Variants in TRPC1 observed in about 807,000 individuals in gnomAD.
The protein encoded by TRPC1 is transient receptor potential cation channel subfamily C member 1, also known as short transient receptor potential channel 1.
A neutral mutation model predicts 88.2 loss-of-function variants in TRPC1; 42 were observed. That is an observed-to-expected ratio of 0.48 (90% CI 0.37 to 0.62). The LOEUF (loss-of-function observed/expected upper bound fraction) is 0.62, where lower values mean the gene tolerates loss of function less well. Ranked by LOEUF, TRPC1 falls within the 20% of genes least tolerant of loss-of-function variation. The pLI is 0.00. For missense variants in TRPC1, 699 were observed against 957.3 expected (o/e 0.73, Z 3.56); for synonymous variants, 288 against 331.8 (o/e 0.87, Z 1.43).
At chr3:142,773,581 G>GT (rs74269488) in intron 4 of TRPC1, among the ~76,000 whole-genome samples, 426 of 132,200 alleles carry the variant, frequency 3.2e-3, no homozygotes, top group Admixed American at 3.3e-3. Context: ...TCTGCAGGCA[G>GT]TTTTTTTTTT....
At position 142,776,732 on chromosome 3, in the gene TRPC1, G is replaced by A. The variant is rs900586100; in HGVS notation, c.633-900G>A. Among the ~76,000 whole-genome samples the A allele has an allele frequency of 4.0e-5, 6 of 151,504 alleles. No homozygotes were observed. Among genetic ancestry groups the A allele is most frequent in the South Asian group, 2.1e-4 (1 of 4,780 alleles). ...ATCCTGGCCAACATGGTGAAACCCCGTCTCTACTAAAAATACAAAAATTAG... is the reference window on the plus strand; with the variant it reads ...ATCCTGGCCAACATGGTGAAACCCCATCTCTACTAAAAATACAAAAATTAG... On this transcript the variant is annotated intron_variant, in intron 4 of 12. Transcript: ENST00000476941. This position sits in a 1 kb window ranked among gnomAD's most constrained non-coding sequence, Gnocchi z 4.1.
At chr3:142,802,118 AT>A in intron 9 of TRPC1, 50 bp from the exon 10 acceptor site, 2 of 1,260,494 alleles carry the variant, frequency 1.6e-6, no homozygotes, top group Non-Finnish European at 2.1e-6. Context: ...TATATTTAAT[AT>A]TTTGTTTTTC....
chr3:142,780,501 T>C (rs991038187), intron 5 of TRPC1, among the ~76,000 whole-genome samples: 3 of 152,222 alleles, frequency 2.0e-5, no homozygotes, highest in African/African-American at 7.2e-5. Flanking sequence ...TAGCCAAGCT[T>C]ACAGAGAATA....
In TRPC1 at chr3:142,767,595, AAAT is replaced by A. The variant is rs1316219917; in HGVS notation, c.633-10034_633-10032del. ...CTTTATATATAAATATATTATATAT[AAAT>A]AAATTATATATCTTTATATATCATA... On this transcript the variant is annotated intron_variant, in intron 4 of 12. Coordinates refer to ENST00000476941, the MANE Select transcript of TRPC1 (RefSeq NM_001251845.2). The surrounding 1 kb of genome is among the most constrained non-coding windows in gnomAD (Gnocchi z 5.1). Among the ~76,000 whole-genome samples, 2 of 148,184 alleles carry A rather than the reference AAAT, an allele frequency of 1.3e-5. No homozygotes were observed. The highest frequency in any genetic ancestry group is 3.0e-5 in the Non-Finnish European group (2 of 67,184).
intron 4 of TRPC1, among the ~76,000 whole-genome samples, chr3:142,766,162 G>A (rs1935380644): frequency 6.6e-6 from 1 of 152,122 alleles, no homozygotes; most frequent in South Asian, 2.1e-4. Context: ...CAATTACTAT[G>A]TGATGGTTAA....
At position 142,779,944 on chromosome 3, in the gene TRPC1, T is replaced by C. The variant is rs554042428; in HGVS notation, c.765-890T>C. 2.3e-3 allele frequency among the ~76,000 whole-genome samples: 341 copies of C among 151,242 alleles called. 1 individual carries two copies. The highest frequency in any genetic ancestry group is 3.8e-3 in the Non-Finnish European group (259 of 67,872). The stretch of plus-strand genomic sequence containing the variant: ...CTCACTGCAACCTCCCCTCCTGGGT[T>C]CAAGCAATTCTCCCTGCCTCAGCCT... On this transcript the variant is annotated intron_variant, in intron 5 of 12. Coordinates refer to ENST00000476941, the MANE Select transcript of TRPC1 (RefSeq NM_001251845.2).
At position 142,724,363 on chromosome 3, in the gene TRPC1, T is replaced by TG. The variant is rs1933565110; in HGVS notation, c.-193dup. On this transcript the variant is annotated 5_prime_UTR_variant, in exon 1 of 13. Transcript: ENST00000476941. This position sits in a 1 kb window ranked among gnomAD's most constrained non-coding sequence, Gnocchi z 5.6. ...GGCCGCGCATGCGCCGCCACCAACT[T>TG]GGGGCTGTCAGTGGAGGGCGAGTGC... 9.6e-6 allele frequency: 4 copies of TG among 417,942 alleles called. No homozygotes were observed. The highest frequency in any genetic ancestry group is 8.5e-5 in the South Asian group (1 of 11,746). The allele number at this position is 417,942 out of a possible 1,614,324, so 25.9% of individuals were successfully genotyped here.
At chr3:142,805,882 T>C in intron 12 of TRPC1, 126 bp from the exon 13 acceptor site, 1 of 732,564 alleles carries the variant, frequency 1.4e-6, no homozygotes, top group Non-Finnish European at 2.2e-6. Context: ...TTATACCATG[T>C]AGTAGAAAAA....
intron 3 of TRPC1, among the ~76,000 whole-genome samples, chr3:142,745,185 A>G (rs1467090036): frequency 6.6e-6 from 1 of 152,048 alleles, no homozygotes; most frequent in East Asian, 1.9e-4. Flanking sequence ...TATCTAAAAT[A>G]CCATTCAATT....
chr3:142,773,980 C>T (rs528702608), intron 4 of TRPC1, among the ~76,000 whole-genome samples: 2 of 152,148 alleles, frequency 1.3e-5, no homozygotes, highest in Admixed American at 6.6e-5. Flanking sequence ...GCCTAGCCTA[C>T]AGAATTTGTC....
chr3:142,741,417 C>T lies in TRPC1; in HGVS notation c.328-2068C>T, dbSNP rs143644879. Among the ~76,000 whole-genome samples the T allele has an allele frequency of 5.2e-3, 782 of 151,834 alleles. 10 individuals carry two copies. The highest frequency in any genetic ancestry group is 0.017 in the African/African-American group (699 of 41,392). On this transcript the variant is annotated intron_variant, in intron 2 of 12. Coordinates refer to ENST00000476941, the MANE Select transcript of TRPC1 (RefSeq NM_001251845.2). Reference sequence around the variant, plus strand: ...GTATCTGAATATAATTTAACTTTACCATCCTTAGTTGGAATAATTGAGAAT... The same window carrying T: ...GTATCTGAATATAATTTAACTTTACTATCCTTAGTTGGAATAATTGAGAAT...
intron 4 of TRPC1, among the ~76,000 whole-genome samples, chr3:142,763,708 C>T (rs1935270180): frequency 6.6e-6 from 1 of 151,754 alleles, no homozygotes. Flanking sequence ...CTTACTGCAA[C>T]CATTTTATTG....
At chr3:142,741,683 A>T (rs1335403467) in intron 2 of TRPC1, among the ~76,000 whole-genome samples, 1 of 152,198 alleles carries the variant, frequency 6.6e-6, no homozygotes, top group Non-Finnish European at 1.5e-5. Context: ...TTCATCATTT[A>T]TGGACAATTC....
At chr3:142,774,626 A>G (rs1232785055) in intron 4 of TRPC1, among the ~76,000 whole-genome samples, 1 of 152,210 alleles carries the variant, frequency 6.6e-6, no homozygotes, top group African/African-American at 2.4e-5. Context: ...AAGCACTGGC[A>G]GTTTTTCAAC....
intron 9 of TRPC1, among the ~76,000 whole-genome samples, chr3:142,797,693 G>T (rs1259371449): frequency 1.1e-4 from 16 of 152,040 alleles, no homozygotes; most frequent in Non-Finnish European, 2.4e-4. Flanking sequence ...TTATTGTGAG[G>T]ATTAAATGGG....
chr3:142,732,532 A>G (rs1252043402), intron 1 of TRPC1, among the ~76,000 whole-genome samples: 1 of 152,066 alleles, frequency 6.6e-6, no homozygotes, highest in Non-Finnish European at 1.5e-5. Flanking sequence ...GTTAGTTAAG[A>G]GGCTATTGCA....
intron 4 of TRPC1, among the ~76,000 whole-genome samples, chr3:142,768,944 G>T (rs936127698): frequency 6.6e-6 from 1 of 151,914 alleles, no homozygotes; most frequent in Non-Finnish European, 1.5e-5. Flanking sequence ...TCTTAGAAAT[G>T]CAAGAAAAAA....
At chr3:142,752,147 A>G (rs543915272) in intron 4 of TRPC1, among the ~76,000 whole-genome samples, 1 of 152,276 alleles carries the variant, frequency 6.6e-6, no homozygotes, top group East Asian at 1.9e-4. Flanking sequence ...TAAAGAAACA[A>G]CAATGGGTCC....
At chr3:142,742,177 T>A (rs1204943660) in intron 2 of TRPC1, among the ~76,000 whole-genome samples, 3 of 143,660 alleles carry the variant, frequency 2.1e-5, no homozygotes, top group Non-Finnish European at 4.6e-5. Flanking sequence ...AAAAAAAAAA[T>A]TAAAAATCAT....
Sources: gnomAD v4.1 joint callset for allele counts (sites outside exome capture counted in the v4.1 genomes callset) on GRCh38, gnomAD v4.1.1 for gene constraint, Gnocchi (gnomAD v3.1) non-coding constraint, MANE v1.5 for transcripts, NCBI Gene and HGNC (gene_info 2026-07-23, HGNC 2026-07-21) for gene names.